The following EPPK1 variants were observed in gnomAD, a reference collection of about 807,000 sequenced individuals.
EPPK1 encodes epiplakin 1, also known as epiplakin.
For synonymous variants in EPPK1, 1,862 were observed against 1,721.2 expected (o/e 1.08, Z -2.03); for missense variants, 3,823 against 3,673.3 (o/e 1.04, Z -1.05).
chr8:143,872,166 A>T lies in EPPK1; in HGVS notation c.1088T>A (p.Val363Glu). The T allele has an allele frequency of 2.5e-6, 4 of 1,588,888 alleles. No individual in the cohort carries two copies. The highest frequency in any genetic ancestry group is 3.4e-6 in the Non-Finnish European group (4 of 1,168,300). ...HEQLLVAEQA[V>E]TGHHDPFSGS... is the part of the protein sequence containing the mutation. ...ACTGAAGGGGTCGTGGTGCCCTGTC[A>T]CGGCCTGCTCGGCCACCAGGAGCTG... is the stretch of plus-strand genomic sequence containing the variant. The change falls in exon 2 of 2, where the codon GTG (valine) becomes GAG (glutamate). Residue 363 changes from valine (V) to glutamate (E), a missense_variant. Transcript: ENST00000615648.
chr8:143,876,256 C>A (rs929243019), intron 1 of EPPK1, among the ~76,000 whole-genome samples: 13 of 152,180 alleles, frequency 8.5e-5, no homozygotes, highest in African/African-American at 3.1e-4. Flanking sequence ...TCACCCCCAG[C>A]CCTAGAGGGG....
Position 143,872,450 on chromosome 8 carries a change from T to G in EPPK1, c.804A>C (p.Ala268=). Residue 268 remains alanine (A), a synonymous_variant, in exon 2 of 2, where the codon GCA becomes GCC. Transcript: ENST00000615648. ...CCTCGGCACGTGCACTCACGTCCAC[T>G]GCGGCCAGCCTGCCCTCCCGCAGAC... The part of the protein sequence containing the change: ...VQGLREGRLA[A]VDVSARAEVR... 6.3e-7 allele frequency: 1 copy of G among 1,596,414 alleles called. No individual in the cohort carries two copies. Among genetic ancestry groups the G allele is most frequent in the South Asian group, 1.1e-5 (1 of 90,436 alleles).
chr8:143,867,890 C>T lies in EPPK1; in HGVS notation c.5364G>A (p.Arg1788=), dbSNP rs782647892. 3.7e-6 allele frequency: 6 copies of T among 1,613,240 alleles called. No homozygotes were observed. The highest frequency in any genetic ancestry group is 2.2e-5 in the South Asian group (2 of 91,070). Residue 1788 remains arginine (R), a synonymous_variant, in exon 2 of 2, where the codon AGG becomes AGA. Transcript: ENST00000615648. ...AGAAAGAGACCACCTGGTCAGCAAACCTCCCCACGCGCATTTTTGCAGTTC... is the reference window on the plus strand; with the variant it reads ...AGAAAGAGACCACCTGGTCAGCAAATCTCCCCACGCGCATTTTTGCAGTTC... ...QSRTAKMRVG[R]FADQVVSFWD...
Position 143,857,920 on chromosome 8 carries a change from C to CCCAA in EPPK1, c.*66_*67insTTGG. On this transcript the variant is annotated 3_prime_UTR_variant, in exon 2 of 2. Transcript: ENST00000615648. Reference sequence around the variant, plus strand: ...ACAAAAAAAAAAAAAAAAAAAAAAACAACCCAGACACACAAGTATGCCTCC... The same window carrying CCCAA: ...ACAAAAAAAAAAAAAAAAAAAAAAACCCAAAACCCAGACACACAAGTATGCCTCC... 3.1e-6 allele frequency: 1 copy of CCCAA among 319,412 alleles called. No homozygotes were observed. The highest frequency in any genetic ancestry group is 4.8e-6 in the Non-Finnish European group (1 of 206,386). The allele number at this position is 319,412 out of a possible 1,614,324, so 19.8% of individuals were successfully genotyped here. A position where few individuals can be genotyped will look rare whatever the true frequency, so the allele number is the denominator to read the frequency against.
chr8:143,878,356 A>ACCCG (rs1819522542), intron 1 of EPPK1, 82 bp downstream of exon 1: 1 of 45,246 alleles, frequency 2.2e-5, no homozygotes, highest in Non-Finnish European at 5.1e-5. Context: ...CCGAGCCCGC[A>ACCCG]CCCGCACCCG....
At chr8:143,878,772 G>A (rs1554662768), upstream of EPPK1, among the ~76,000 whole-genome samples, 1 of 151,982 alleles carries the variant, frequency 6.6e-6, no homozygotes, top group Non-Finnish European at 1.5e-5. Flanking sequence ...GGACCGGCCA[G>A]AGCGGCGGTT....
chr8:143,857,790 A>C lies in EPPK1; in HGVS notation c.*197T>G, dbSNP rs1818921463. ...AGACGACCCAGAAAACACACCAAAAAACTTATGAAACACCTCGATGGACAA... is the reference window on the plus strand; with the variant it reads ...AGACGACCCAGAAAACACACCAAAACACTTATGAAACACCTCGATGGACAA... On this transcript the variant is annotated 3_prime_UTR_variant, in exon 2 of 2. Coordinates refer to ENST00000615648, the MANE Select transcript of EPPK1 (RefSeq NM_031308.4). 1 of 501,830 alleles carries C rather than the reference A, an allele frequency of 2.0e-6. No individual in the cohort carries two copies. Among genetic ancestry groups the C allele is most frequent in the Non-Finnish European group, 3.4e-6 (1 of 294,762 alleles). 31.1% of individuals were successfully genotyped at this position (501,830 alleles called of 1,614,324 possible). A position where few individuals can be genotyped will look rare whatever the true frequency, so the allele number is the denominator to read the frequency against.
At position 143,866,409 on chromosome 8, in the gene EPPK1, G is replaced by T; in HGVS notation, c.6845C>A (p.Ser2282Ter). The change falls in exon 2 of 2, where the codon TCG becomes TAG. Residue 2282 changes from serine to a stop codon, truncating the protein, a stop_gained. Transcript: ENST00000615648. LOFTEE classifies it low-confidence loss of function (END_TRUNC). ...GCCCGCGGCCACGGCCTCCTCCACC[G>T]ACAGCCTCAGGTTGCGCACGGGGTC... ...VIDPVRNLRL[S>*]VEEAVAAGVV... The T allele has an allele frequency of 8.6e-7, 1 of 1,157,428 alleles. No homozygotes were observed. Among genetic ancestry groups the T allele is most frequent in the Non-Finnish European group, 1.2e-6 (1 of 854,938 alleles). The allele number at this position is 1,157,428 out of a possible 1,614,324, so 71.7% of individuals were successfully genotyped here. A position where few individuals can be genotyped will look rare whatever the true frequency, so the allele number is the denominator to read the frequency against.
chr8:143,870,975 G>A lies in EPPK1; in HGVS notation c.2279C>T (p.Pro760Leu), dbSNP rs1554660989. 1.9e-6 allele frequency: 3 copies of A among 1,613,462 alleles called. No individual in the cohort carries two copies. Among genetic ancestry groups the A allele is most frequent in the Non-Finnish European group, 2.5e-6 (3 of 1,180,028 alleles). The change falls in exon 2 of 2, where the codon CCT (proline) becomes CTT (leucine). Residue 760 changes from proline to leucine, a missense_variant. By Grantham distance (98) the Pro-to-Leu change is moderately conservative. Coordinates refer to ENST00000615648, the MANE Select transcript of EPPK1 (RefSeq NM_031308.4). The surrounding 1 kb of genome is among the most constrained non-coding windows in gnomAD (Gnocchi z 5.2). ...DQMLNLILLDPSDDTKGFFDP... is the reference protein window; with the variant it reads ...DQMLNLILLDLSDDTKGFFDP... ...GAAGAAGCCCTTGGTGTCGTCAGAA[G>A]GGTCCAACAGGATCAAGTTCAGCAT...
chr8:143,868,250 C>T lies in EPPK1; in HGVS notation c.5004G>A (p.Gln1668=). The T allele has an allele frequency of 6.2e-7, 1 of 1,613,208 alleles. No individual in the cohort carries two copies. Among genetic ancestry groups the T allele is most frequent in the African/African-American group, 1.3e-5 (1 of 75,076 alleles). Residue 1668 remains glutamine (Q), a synonymous_variant, in exon 2 of 2, where the codon CAG becomes CAA. Transcript: ENST00000615648. ...GQQISLFQAM[Q]KDLIVREHGI... ...CGTGCTCCCGGACGATGAGGTCCTT[C>T]TGCATGGCCTGGAAGAGGGAGATCT...
Position 143,866,499 on chromosome 8 carries a change from C to G in EPPK1, c.6755G>C (p.Gly2252Ala), listed in dbSNP as rs1428073398. The G allele has an allele frequency of 7.1e-6, 11 of 1,551,424 alleles. No homozygotes were observed. In the South Asian group the frequency reaches 8.4e-5, roughly 12 times the overall value. The change falls in exon 2 of 2, where the codon GGC (glycine) becomes GCC (alanine). Residue 2252 changes from glycine (G) to alanine (A), a missense_variant. Coordinates refer to ENST00000615648, the MANE Select transcript of EPPK1 (RefSeq NM_031308.4). The part of the protein sequence containing the change: ...KMSIYQAMWK[G>A]VLRPGTALVL... ...CAGGGCCGTGCCGGGCCGCAGCACG[C>G]CCTTCCACATGGCCTGGTAGATGCT...
rs782019857 is a variant in EPPK1, at chr8:143,870,212, G to C, written c.3042C>G (p.Pro1014=). 34 of 1,609,246 alleles carry C rather than the reference G, an allele frequency of 2.1e-5. No individual in the cohort carries two copies. In the Admixed American group the frequency reaches 5.0e-4, roughly 24 times the overall value. ...AEGAIAGFRD[P]FSGKQVSVFQ... ...ACACAGACACCTGCTTCCCAGAGAA[G>C]GGGTCTCTGAAGCCAGCAATGGCAC... Residue 1014 remains proline, a synonymous_variant, in exon 2 of 2, where the codon CCC becomes CCG. Transcript: ENST00000615648. This position sits in a 1 kb window ranked among gnomAD's most constrained non-coding sequence, Gnocchi z 5.2.
rs561337449 is a variant in EPPK1 at position 143,867,846 on chromosome 8, G to A, written c.5408C>T (p.Pro1803Leu). 2.3e-5 allele frequency: 37 copies of A among 1,613,406 alleles called. No homozygotes were observed. In the South Asian group the frequency reaches 3.5e-4, roughly 15 times the overall value. The change falls in exon 2 of 2, where the codon CCA (proline) becomes CTA (leucine). Residue 1803 changes from proline (P) to leucine (L), a missense_variant. Coordinates refer to ENST00000615648, the MANE Select transcript of EPPK1 (RefSeq NM_031308.4). ...VVSFWDLLSS[P>L]YFTEDRKREL... ...CCGCTTCCTGTCCTCTGTGAAGTAT[G>A]GAGAGGACAGCAGGTCCCAGAAAGA...
chr8:143,867,983 T>C lies in EPPK1; in HGVS notation c.5271A>G (p.Leu1757=), dbSNP rs782047673. Residue 1757 remains leucine (L), a synonymous_variant, in exon 2 of 2, where the codon CTA becomes CTG. Coordinates refer to ENST00000615648, the MANE Select transcript of EPPK1 (RefSeq NM_031308.4). The part of the protein sequence containing the change: ...VEDPETGLYL[L]QIIKKGENYV... ...AGTTTTCTCCTTTCTTTATGATTTG[T>C]AGCAGGTACAGGCCCGTCTCGGGGT... is the stretch of plus-strand genomic sequence containing the variant. 19 of 1,613,546 alleles carry C rather than the reference T, an allele frequency of 1.2e-5. No homozygotes were observed. Among genetic ancestry groups the C allele is most frequent in the East Asian group, 6.7e-5 (3 of 44,894 alleles).
In EPPK1 at chr8:143,870,439, G is replaced by A. The variant is rs112031224; in HGVS notation, c.2815C>T (p.Pro939Ser). 3 of 1,597,682 alleles carry A rather than the reference G, an allele frequency of 1.9e-6. No individual in the cohort carries two copies. Among genetic ancestry groups the A allele is most frequent in the Non-Finnish European group, 2.5e-6 (3 of 1,176,710 alleles). Residue 939 changes from proline to serine, a missense_variant, in exon 2 of 2, where the codon CCC becomes TCC. Physicochemically the swap from Pro to Ser is moderately conservative, Grantham distance 74 (BLOSUM62 -1). Transcript: ENST00000615648. The surrounding 1 kb of genome is among the most constrained non-coding windows in gnomAD (Gnocchi z 5.2). The part of the protein sequence containing the change: ...LGAVGGVRLL[P>S]SGQRLSLYQA... ...TAGAGGCTGAGCCGCTGGCCAGAGG[G>A]CAGCAGCCGCACACCGCCCACAGCT...
Position 143,867,220 on chromosome 8 carries a change from C to G in EPPK1, c.6034G>C (p.Ala2012Pro). ...TGTGGGTCGATGACACCCCCCGTGG[C>G]CACCTGCACCTCCAGCAGCCTCAGT... ...EALRLLEVQV[A>P]TGGVIDPQHH... The change falls in exon 2 of 2, where the codon GCC (alanine) becomes CCC (proline). Residue 2012 changes from alanine (A) to proline (P), a missense_variant. Physicochemically the swap from Ala to Pro is conservative, Grantham distance 27. Coordinates refer to ENST00000615648, the MANE Select transcript of EPPK1 (RefSeq NM_031308.4). The G allele has an allele frequency of 6.2e-7, 1 of 1,612,748 alleles. No individual in the cohort carries two copies. Among genetic ancestry groups the G allele is most frequent in the Non-Finnish European group, 8.5e-7 (1 of 1,179,818 alleles).
Position 143,857,958 on chromosome 8 carries a change from T to G in EPPK1, c.*29A>C. The stretch of plus-strand genomic sequence containing the variant: ...CAAGTATGCCTCCACTTCTCCAGAG[T>G]TGCAGAAAACTGCACGGAGGAAGCC... On this transcript the variant is annotated 3_prime_UTR_variant, in exon 2 of 2. Transcript: ENST00000615648. 7.2e-7 allele frequency: 1 copy of G among 1,398,040 alleles called. No homozygotes were observed. The highest frequency in any genetic ancestry group is 9.7e-7 in the Non-Finnish European group (1 of 1,036,072). 86.6% of individuals were successfully genotyped at this position (1,398,040 alleles called of 1,614,324 possible).
chr8:143,868,534 C>A lies in EPPK1; in HGVS notation c.4720G>T (p.Ala1574Ser). 1 of 1,606,194 alleles carries A rather than the reference C, an allele frequency of 6.2e-7. No individual in the cohort carries two copies. The highest frequency in any genetic ancestry group is 8.5e-7 in the Non-Finnish European group (1 of 1,176,936). The change falls in exon 2 of 2, where the codon GCC (alanine) becomes TCC (serine). Residue 1574 changes from alanine (A) to serine (S), a missense_variant. Physicochemically the swap from Ala to Ser is moderately conservative, Grantham distance 99. Transcript: ENST00000615648. ...TGGGTGCCCTGGATAAGGACCCCGG[C>A]AATGAAGTTGCCTCCCTCCAGGGAC... ...KRSLEGGNFI[A>S]GVLIQGTQER... is the part of the protein sequence containing the mutation.
In EPPK1 at chr8:143,870,735, TCA is replaced by T; in HGVS notation, c.2517_2518del (p.Glu840ValfsTer59). On this transcript the variant is annotated frameshift_variant, in exon 2 of 2. Transcript: ENST00000615648. LOFTEE classifies it low-confidence loss of function (END_TRUNC). This position sits in a 1 kb window ranked among gnomAD's most constrained non-coding sequence, Gnocchi z 5.2. Reference sequence around the variant, plus strand: ...CCTCCTGCGGCCCTCGCTGAAGTACTCAGAGTTGATCAGCTCCCACGCGGAGA... The same window carrying T: ...CCTCCTGCGGCCCTCGCTGAAGTACTGAGTTGATCAGCTCCCACGCGGAGA... 1 of 1,612,374 alleles carries T rather than the reference TCA, an allele frequency of 6.2e-7. No individual in the cohort carries two copies. Among genetic ancestry groups the T allele is most frequent in the East Asian group, 2.2e-5 (1 of 44,874 alleles).
Sources: gnomAD v4.1 joint callset for allele counts (sites outside exome capture counted in the v4.1 genomes callset) on GRCh38, gnomAD v4.1.1 for gene constraint, Gnocchi (gnomAD v3.1) non-coding constraint, MANE v1.5 for transcripts, NCBI Gene and HGNC (gene_info 2026-07-23, HGNC 2026-07-21) for gene names.